The following AXIN1 variants were observed in gnomAD, a reference collection of about 807,000 sequenced individuals.
AXIN1 encodes the protein axin 1, also known as axin-1.
In AXIN1, 30 loss-of-function variants were observed where a neutral mutation model predicts 76.4. That is an observed-to-expected ratio of 0.39 (90% CI 0.29 to 0.53). The LOEUF (loss-of-function observed/expected upper bound fraction) is 0.53. Among genes scored for constraint, AXIN1 ranks in the 20% least tolerant of loss-of-function variants. The pLI, the probability that AXIN1 is intolerant of heterozygous loss-of-function variation, is 0.66. For missense variants in AXIN1, 1,140 were observed against 1,198.8 expected (o/e 0.95, Z 0.72); for synonymous variants, 545 against 501.4 (o/e 1.09, Z -1.16).
chr16:288,541 T>C lies in AXIN1; in HGVS notation c.2463-293A>G, dbSNP rs192948838. On this transcript the variant is annotated intron_variant, in intron 10 of 10. Transcript: ENST00000262320. ...GAGTTGCAGGGGGGAAGTGGACGGG[T>C]GTGGGGTGTCTGCTTCCCAAGGGCT... Among the ~76,000 whole-genome samples, 350 of 152,172 alleles carry C rather than the reference T, an allele frequency of 2.3e-3. 4 individuals carry two copies. Among genetic ancestry groups the C allele is most frequent in the Admixed American group, 0.015 (236 of 15,296 alleles).
chr16:302,479 A>T (rs551827603), intron 5 of AXIN1, among the ~76,000 whole-genome samples: 24 of 152,226 alleles, frequency 1.6e-4, no homozygotes, highest in Non-Finnish European at 1.0e-4. Context: ...GAGCTCCACC[A>T]TCTGCAGCGA....
intron 4 of AXIN1, among the ~76,000 whole-genome samples, chr16:308,731 G>A (rs2053093808): frequency 6.6e-6 from 1 of 152,136 alleles, no homozygotes; most frequent in Admixed American, 6.5e-5. Context: ...ATCTTCCACA[G>A]CACAAGCACG....
At chr16:288,269 G>GGGCAGTGAGCA (rs1342775757) in intron 10 of AXIN1, 21 bp from the exon 11 acceptor site, 2 of 1,613,218 alleles carry the variant, frequency 1.2e-6, no homozygotes, top group African/African-American at 1.3e-5. Flanking sequence ...GAGGTGAGGA[G>GGGCAGTGAGCA]GGCAGTGAGC....
chr16:293,866 C>T lies in AXIN1; in HGVS notation c.1956-148G>A. The T allele has an allele frequency of 1.3e-6, 1 of 761,810 alleles. No homozygotes were observed. The highest frequency in any genetic ancestry group is 1.4e-5 in the South Asian group (1 of 70,106). 47.2% of individuals were successfully genotyped at this position (761,810 alleles called of 1,614,324 possible). ...CCTGGCCACCAAGCCACATGGACGT[C>T]CTCCACAGACCACACAATAAAAACA... On this transcript the variant is annotated intron_variant, in intron 7 of 10. Transcript: ENST00000262320. This position sits in a 1 kb window ranked among gnomAD's most constrained non-coding sequence, Gnocchi z 4.6.
chr16:287,553 C>G lies in AXIN1; in HGVS notation c.*569G>C, dbSNP rs1018414467. On this transcript the variant is annotated 3_prime_UTR_variant, in exon 11 of 11. Coordinates refer to ENST00000262320, the MANE Select transcript of AXIN1 (RefSeq NM_003502.4). The stretch of plus-strand genomic sequence containing the variant: ...ACTCGGGCAGCCCCTGCTGGCCTAG[C>G]CTGAGAAATGTACATATTTACACGG... The G allele has an allele frequency of 3.2e-6, 1 of 316,424 alleles. No homozygotes were observed. The highest frequency in any genetic ancestry group is 6.3e-5 in the South Asian group (1 of 15,756). The allele number at this position is 316,424 out of a possible 1,614,324, so 19.6% of individuals were successfully genotyped here. A position where few individuals can be genotyped will look rare whatever the true frequency, so the allele number is the denominator to read the frequency against.
At chr16:336,069 T>G (rs1408678390) in intron 2 of AXIN1, among the ~76,000 whole-genome samples, 1 of 152,170 alleles carries the variant, frequency 6.6e-6, no homozygotes, top group Admixed American at 6.5e-5. Context: ...ACCTGGTCTC[T>G]GCTAAAAATA....
At chr16:338,154 T>C (rs145387797) in intron 2 of AXIN1, among the ~76,000 whole-genome samples, 18 of 152,304 alleles carry the variant, frequency 1.2e-4, no homozygotes, top group Non-Finnish European at 2.5e-4. Flanking sequence ...CAGGGTACGC[T>C]GCTACAAATG....
rs187604998 is a variant in AXIN1 at position 312,150 on chromosome 16, C to A, written c.1020-2081G>T. Among the ~76,000 whole-genome samples the A allele has an allele frequency of 1.4e-3, 211 of 152,312 alleles. 1 individual carries two copies. The highest frequency in any genetic ancestry group is 1.9e-3 in the Non-Finnish European group (132 of 68,034). On this transcript the variant is annotated intron_variant, in intron 3 of 10. Transcript: ENST00000262320. The stretch of plus-strand genomic sequence containing the variant: ...TCCACAGGCCTCCGTGGATTAGACA[C>A]TGACCCCACATCTGTGTCCACAGCC...
Position 344,007 on chromosome 16 carries a change from C to CAA in AXIN1, c.878+2139_878+2140dup, listed in dbSNP as rs35154860. On this transcript the variant is annotated intron_variant, in intron 2 of 10. Transcript: ENST00000262320. ...TGTGTGACAGAGCGAGACTCCATTT[C>CAA]AAAAAAAAAAAAAAGAAAGAAAGAA... is the stretch of plus-strand genomic sequence containing the variant. Among the ~76,000 whole-genome samples, 62 of 129,792 alleles carry CAA rather than the reference C, an allele frequency of 4.8e-4. No homozygotes were observed. The South Asian group carries it at 6.1e-3, about 13-fold the overall frequency. 85.1% of individuals were successfully genotyped at this position (129,792 alleles called of 152,430 possible).
At chr16:341,419 G>A (rs1280240665) in intron 2 of AXIN1, among the ~76,000 whole-genome samples, 1 of 152,268 alleles carries the variant, frequency 6.6e-6, no homozygotes, top group Non-Finnish European at 1.5e-5. Flanking sequence ...CAGCGGCTGC[G>A]GAGGGTGTGC....
chr16:297,364 C>A (rs1214446944), intron 6 of AXIN1, 138 bp from the exon 7 acceptor site: 5 of 1,140,584 alleles, frequency 4.4e-6, no homozygotes, highest in Non-Finnish European at 6.3e-6. Context: ...GCCCGCTTGT[C>A]CCCCACCCGC....
intron 5 of AXIN1, chr16:299,280 A>G: frequency 1.0e-5 from 10 of 977,680 alleles, no homozygotes; most frequent in Non-Finnish European, 1.2e-5. Flanking sequence ...TTGGACTGAC[A>G]AACTAAAACA....
intron 8 of AXIN1, chr16:292,929 C>CA (rs1221365930): frequency 7.3e-6 from 1 of 136,534 alleles, no homozygotes; most frequent in Non-Finnish European, 1.5e-5. Flanking sequence ...GAGAAGGGCA[C>CA]AGTGAGGAGG....
chr16:349,401 G>A (rs146025963), intron 1 of AXIN1, among the ~76,000 whole-genome samples: 8 of 152,256 alleles, frequency 5.3e-5, no homozygotes, highest in African/African-American at 9.6e-5. Flanking sequence ...ACTAGCTCAC[G>A]GTCATCTGTC....
chr16:351,756 A>G (rs1357755834), intron 1 of AXIN1, among the ~76,000 whole-genome samples: 14 of 151,786 alleles, frequency 9.2e-5, no homozygotes, highest in Non-Finnish European at 1.6e-4. Context: ...AAATATATAT[A>G]TATATATCTT....
At chr16:294,996 G>A (rs1355424483) in intron 7 of AXIN1, among the ~76,000 whole-genome samples, 5 of 148,054 alleles carry the variant, frequency 3.4e-5, no homozygotes, top group South Asian at 2.2e-4. Flanking sequence ...CCCGGGAGGC[G>A]AGGCTTGCAG....
In AXIN1 at chr16:346,261, C is replaced by T. The variant is rs1216328078; in HGVS notation, c.765G>A (p.Glu255=). Residue 255 remains glutamate, a synonymous_variant, in exon 2 of 11, where the codon GAG becomes GAA. Transcript: ENST00000262320. ...EEWKCDQDMD[E]DDGRDAAPPG... ...GGGGAGCAGCGTCTCTGCCATCGTC[C>T]TCATCCATGTCCTGGTCACACTTCC... 6.2e-6 allele frequency: 10 copies of T among 1,614,088 alleles called. No homozygotes were observed. Among genetic ancestry groups the T allele is most frequent in the South Asian group, 3.3e-5 (3 of 91,092 alleles).
rs751196177 is a variant in AXIN1 at position 293,522 on chromosome 16, C to T, written c.2152G>A (p.Glu718Lys). 9 of 1,610,682 alleles carry T rather than the reference C, an allele frequency of 5.6e-6. No individual in the cohort carries two copies. Among genetic ancestry groups the T allele is most frequent in the Non-Finnish European group, 7.6e-6 (9 of 1,179,988 alleles). The change falls in exon 8 of 11, where the codon GAA becomes AAA. Residue 718 changes from glutamate to lysine, a missense_variant. This residue lies in a region of AXIN1 where 429 missense variants were observed against 405.8 expected (regional missense o/e 1.06). Coordinates refer to ENST00000262320, the MANE Select transcript of AXIN1 (RefSeq NM_003502.4). The surrounding 1 kb of genome is among the most constrained non-coding windows in gnomAD (Gnocchi z 4.6). ...EEARRRLEEE[E>K]KRASRAPSKQ... Reference sequence around the variant, plus strand: ...GAGGGTGCTCGGCTGGCTCTCTTTTCTTCCTCCTCCAGACGTCGGCGCGCC... The same window carrying T: ...GAGGGTGCTCGGCTGGCTCTCTTTTTTTCCTCCTCCAGACGTCGGCGCGCC...
In AXIN1 at chr16:287,705, A is replaced by G. The variant is rs575819356; in HGVS notation, c.*417T>C. ...TTGAAGGCACTCGGTGGCGCGTACA[A>G]TTGACAGAGGCCCTGCAGGCCTCTG... On this transcript the variant is annotated 3_prime_UTR_variant, in exon 11 of 11. Coordinates refer to ENST00000262320, the MANE Select transcript of AXIN1 (RefSeq NM_003502.4). 5.7e-6 allele frequency: 2 copies of G among 353,090 alleles called. No individual in the cohort carries two copies. The highest frequency in any genetic ancestry group is 5.3e-6 in the Non-Finnish European group (1 of 187,160). 21.9% of individuals were successfully genotyped at this position (353,090 alleles called of 1,614,324 possible).
Sources: allele counts gnomAD v4.1 joint callset (sites outside exome capture counted in the v4.1 genomes callset), GRCh38; gene constraint gnomAD v4.1.1; regional missense constraint gnomAD v4.1.1; non-coding constraint Gnocchi (gnomAD v3.1); transcripts MANE v1.5; gene names NCBI Gene and HGNC (gene_info 2026-07-23, HGNC 2026-07-21).